The following ACAP2 variants were observed in gnomAD, a reference collection of about 807,000 sequenced individuals.
ACAP2 encodes the protein arf-GAP with coiled-coil, ANK repeat and PH domain-containing protein 2.
In ACAP2, 39 loss-of-function variants were observed where a neutral mutation model predicts 115.8. That is an observed-to-expected ratio of 0.34 (90% CI 0.26 to 0.44). ACAP2 has a LOEUF of 0.44. Ranked by LOEUF, ACAP2 falls within the 20% of genes least tolerant of loss-of-function variation. The probability of loss-of-function intolerance (pLI) is 1.00; values close to 1 mark genes in which losing one functional copy is unlikely to be tolerated. For missense variants in ACAP2, 662 were observed against 927.6 expected, an observed-to-expected ratio of 0.71 and a Z score of 3.72; for synonymous variants, 289 against 315.8, an observed-to-expected ratio of 0.92 and a Z score of 0.90.
chr3:195,424,041 T>C (rs1226603658), intron 1 of ACAP2, among the ~76,000 whole-genome samples: 2 of 151,806 alleles, frequency 1.3e-5, no homozygotes, highest in African/African-American at 2.4e-5. Flanking sequence ...ACGCAGGCCA[T>C]AGTTTACCAA....
intron 7 of ACAP2, among the ~76,000 whole-genome samples, chr3:195,333,942 G>A (rs1730336361): frequency 6.6e-6 from 1 of 152,148 alleles, no homozygotes. Context: ...TGCCAACATG[G>A]AAGTTTCTTT....
chr3:195,281,209 T>A (rs112919675), intron 22 of ACAP2, among the ~76,000 whole-genome samples: 7 of 152,158 alleles, frequency 4.6e-5, no homozygotes, highest in African/African-American at 1.4e-4. Context: ...ATGGAGACCA[T>A]CCTGGCTAAC....
intron 2 of ACAP2, among the ~76,000 whole-genome samples, chr3:195,385,665 G>T (rs1734253309): frequency 6.6e-6 from 1 of 152,078 alleles, no homozygotes; most frequent in Admixed American, 6.6e-5. Context: ...AAATCCTGAG[G>T]TCTTGAAGAG....
At chr3:195,431,147 T>C (rs1472830965) in intron 1 of ACAP2, among the ~76,000 whole-genome samples, 1 of 152,216 alleles carries the variant, frequency 6.6e-6, no homozygotes, top group Non-Finnish European at 1.5e-5. Context: ...TATATGGCTT[T>C]TGTGTTTGGC....
At chr3:195,311,618 C>T (rs909006651) in intron 10 of ACAP2, among the ~76,000 whole-genome samples, 2 of 152,158 alleles carry the variant, frequency 1.3e-5, no homozygotes, top group Non-Finnish European at 2.9e-5. Flanking sequence ...CTCACTGCAA[C>T]CTCCGCCTCC....
chr3:195,359,698 C>A (rs1243066130), intron 4 of ACAP2, among the ~76,000 whole-genome samples: 5 of 152,086 alleles, frequency 3.3e-5, no homozygotes, highest in Non-Finnish European at 5.9e-5. Flanking sequence ...CGATCTCCTG[C>A]CCTCATGATC....
chr3:195,437,159 G>A (rs571868929), intron 1 of ACAP2, among the ~76,000 whole-genome samples: 34 of 152,118 alleles, frequency 2.2e-4, no homozygotes, highest in Non-Finnish European at 2.8e-4. Context: ...CAATCCTCCT[G>A]CCTCAGCCTC....
chr3:195,310,269 A>G (rs1043494849), intron 10 of ACAP2, among the ~76,000 whole-genome samples: 1 of 152,254 alleles, frequency 6.6e-6, no homozygotes, highest in African/African-American at 2.4e-5. Flanking sequence ...ACCATTAAAA[A>G]AGACATTTGT....
At chr3:195,389,102 T>C (rs1049522458) in intron 2 of ACAP2, among the ~76,000 whole-genome samples, 1 of 152,056 alleles carries the variant, frequency 6.6e-6, no homozygotes, top group African/African-American at 2.4e-5. Flanking sequence ...TATGGAACTT[T>C]AGTGCGAGGG....
chr3:195,286,255 A>G (rs1726836064), intron 21 of ACAP2, among the ~76,000 whole-genome samples: 1 of 152,186 alleles, frequency 6.6e-6, no homozygotes, highest in African/African-American at 2.4e-5. Context: ...ACTCTGGCTC[A>G]CCCTGAAGTG....
chr3:195,412,930 A>G, intron 1 of ACAP2: 1 of 456,102 alleles, frequency 2.2e-6, no homozygotes. Context: ...AGTGAAGGAA[A>G]CACAATTAGT....
At chr3:195,405,704 C>T (rs1223407135) in intron 1 of ACAP2, among the ~76,000 whole-genome samples, 1 of 151,576 alleles carries the variant, frequency 6.6e-6, no homozygotes, top group Non-Finnish European at 1.5e-5. Flanking sequence ...AAAAAAGTAT[C>T]TGAGACTGGG....
At chr3:195,301,928 C>G in intron 14 of ACAP2, 38 bp downstream of exon 14, 2 of 1,595,256 alleles carry the variant, frequency 1.3e-6, no homozygotes, top group Non-Finnish European at 1.7e-6. Context: ...TGTGTTTATC[C>G]AAAAGAAGAA....
intron 6 of ACAP2, among the ~76,000 whole-genome samples, chr3:195,341,526 G>A (rs62287111): frequency 0.24 from 36,347 of 151,628 alleles, 5,107 homozygotes; most frequent in East Asian, 0.71. Flanking sequence ...GGGTTTCGCC[G>A]TGTTAGCCAG....
chr3:195,400,036 G>A (rs192158317), intron 1 of ACAP2, among the ~76,000 whole-genome samples: 1 of 151,898 alleles, frequency 6.6e-6, no homozygotes, highest in Non-Finnish European at 1.5e-5. Flanking sequence ...AAATTAGCCG[G>A]GTATGGTGGC....
rs1256927708 is a variant in ACAP2, at chr3:195,279,253, T to TA, written c.*74dup. ...CCAAAATTAAGTAGAATTAAAGCAGTAAAAAAATTGTGATTTTTTAGCTGT... is the reference window on the plus strand; with the variant it reads ...CCAAAATTAAGTAGAATTAAAGCAGTAAAAAAAATTGTGATTTTTTAGCTGT... On this transcript the variant is annotated 3_prime_UTR_variant, in exon 23 of 23. Transcript: ENST00000326793. The TA allele has an allele frequency of 1.2e-5, 11 of 926,344 alleles. No individual in the cohort carries two copies. The highest frequency in any genetic ancestry group is 2.7e-5 in the East Asian group (1 of 37,464). The allele number at this position is 926,344 out of a possible 1,614,324, so 57.4% of individuals were successfully genotyped here. A position where few individuals can be genotyped will look rare whatever the true frequency, so the allele number is the denominator to read the frequency against.
At chr3:195,285,337 TC>T (rs1726772441) in intron 22 of ACAP2, 3 of 152,446 alleles carry the variant, frequency 2.0e-5, no homozygotes, top group African/African-American at 7.2e-5. Context: ...ATTTTTTTTT[TC>T]CCTGAACGTA....
intron 20 of ACAP2, among the ~76,000 whole-genome samples, chr3:195,290,852 T>A (rs199892176): frequency 0.026 from 3,220 of 123,798 alleles, 74 homozygotes; most frequent in African/African-American, 0.082. Flanking sequence ...AAATAAATAA[T>A]AAATAAATAA....
intron 1 of ACAP2, among the ~76,000 whole-genome samples, chr3:195,398,499 T>C (rs1258866724): frequency 1.3e-5 from 2 of 151,894 alleles, no homozygotes; most frequent in African/African-American, 2.4e-5. Flanking sequence ...GCGCCAGGCA[T>C]GGTGGCGCAT....
Sources: gnomAD v4.1 joint callset for allele counts (sites outside exome capture counted in the v4.1 genomes callset) on GRCh38, gnomAD v4.1.1 for gene constraint, MANE v1.5 for transcripts, NCBI Gene and HGNC (gene_info 2026-07-23, HGNC 2026-07-21) for gene names.